The following COX15 variants were observed in gnomAD, a reference collection of about 807,000 sequenced individuals.
The protein encoded by COX15 is heme A synthase COX15.
A neutral mutation model predicts 51.9 loss-of-function variants in COX15; 51 were observed. That is an observed-to-expected ratio of 0.98 (90% confidence interval 0.78 to 1.24). COX15 has a LOEUF of 1.24. Ranked by LOEUF, COX15 falls within the 50% of genes most tolerant of loss-of-function variation. The pLI is 0.00. For synonymous variants in COX15, 188 were observed against 190.5 expected, an observed-to-expected ratio of 0.99 and a Z score of 0.11; for missense variants, 420 against 501.1, an observed-to-expected ratio of 0.84 and a Z score of 1.55.
intron 8 of COX15, among the ~76,000 whole-genome samples, chr10:99,715,310 G>A (rs905885147): frequency 1.3e-5 from 2 of 151,904 alleles, no homozygotes; most frequent in African/African-American, 2.4e-5. Context: ...GCTAATTTTT[G>A]TATTTTTTAG....
chr10:99,709,182 T>G (rs187671144), downstream of COX15: 36 of 985,428 alleles, frequency 3.7e-5, no homozygotes, highest in Non-Finnish European at 4.1e-5. Context: ...GCCTATTACA[T>G]CTACCTCATT....
chr10:99,720,868 A>C, intron 6 of COX15, 119 bp downstream of exon 6: 1 of 809,466 alleles, frequency 1.2e-6, no homozygotes, highest in Non-Finnish European at 2.1e-6. Flanking sequence ...TGGGGGAATG[A>C]GAGAAACAGA....
intron 5 of COX15, among the ~76,000 whole-genome samples, 170 bp downstream of exon 5, chr10:99,723,786 G>C (rs1200745734): frequency 2.0e-5 from 3 of 152,138 alleles, no homozygotes; most frequent in Non-Finnish European, 2.9e-5. Context: ...GATATTTCTT[G>C]TTGTTGGTAC....
the COX15 span, chr10:99,698,497 G>C: frequency 2.6e-6 from 4 of 1,563,476 alleles, no homozygotes; most frequent in African/African-American, 1.3e-5. Flanking sequence ...CAGGCATGAC[G>C]TGTTTGTTTG....
chr10:99,725,203 A>C (rs2036910346), intron 4 of COX15, among the ~76,000 whole-genome samples: 1 of 152,246 alleles, frequency 6.6e-6, no homozygotes, highest in Non-Finnish European at 1.5e-5. Context: ...CAGGTCAAAG[A>C]GGTGGACTCT....
At chr10:99,699,872 C>T in the COX15 span, among the ~76,000 whole-genome samples, 39 of 151,974 alleles carry the variant, frequency 2.6e-4, no homozygotes, top group African/African-American at 9.2e-4. Flanking sequence ...AGCCTCTCCT[C>T]ATATTTCCCT....
In COX15 at chr10:99,712,931, C is replaced by A; in HGVS notation, c.*1656G>T. The A allele has an allele frequency of 1.2e-6, 1 of 830,648 alleles. No homozygotes were observed. Among genetic ancestry groups the A allele is most frequent in the Non-Finnish European group, 1.5e-6 (1 of 683,376 alleles). 51.5% of individuals were successfully genotyped at this position (830,648 alleles called of 1,614,324 possible). On this transcript the variant is annotated 3_prime_UTR_variant, in exon 9 of 9. Coordinates refer to ENST00000016171, the MANE Select transcript of COX15 (RefSeq NM_078470.6). ...CTCAAGGACAGGAATCTTGCTCTCT[C>A]TCCAGATGTTCTCTGCTCCAGTTAA...
intron 7 of COX15, 173 bp from the exon 8 acceptor site, chr10:99,716,634 C>T (rs866375587): frequency 1.7e-6 from 1 of 584,050 alleles, no homozygotes; most frequent in South Asian, 1.8e-5. Context: ...GTCTCTTCCA[C>T]CATCCTCTTC....
At position 99,729,575 on chromosome 10, in the gene COX15, C is replaced by T. The variant is rs776410176; in HGVS notation, c.250G>A (p.Val84Ile). 1.2e-6 allele frequency: 2 copies of T among 1,613,762 alleles called. No individual in the cohort carries two copies. Among genetic ancestry groups the T allele is most frequent in the Non-Finnish European group, 1.7e-6 (2 of 1,179,998 alleles). Residue 84 changes from valine to isoleucine, a missense_variant, in exon 2 of 9, where the codon GTT becomes ATT. Coordinates refer to ENST00000016171, the MANE Select transcript of COX15 (RefSeq NM_078470.6). ...LVCSGTVAGA[V>I]ILGGVTRLTE... is the part of the protein sequence containing the mutation. ...TACCTAGTTACTCCACCAAGAATAA[C>T]TGCTCCAGCCACTGTTCCACTGCAG...
chr10:99,706,150 TTCATAC>T (rs1368283352), downstream of COX15: 1 of 151,996 alleles, frequency 6.6e-6, no homozygotes, highest in Non-Finnish European at 1.5e-5. Context: ...AAAAATAAAT[TTCATAC>T]TGGGAACAGA....
chr10:99,712,268 T>C lies in COX15; in HGVS notation c.*2319A>G. The C allele has an allele frequency of 1.0e-6, 1 of 985,034 alleles. No individual in the cohort carries two copies. Among genetic ancestry groups the C allele is most frequent in the Non-Finnish European group, 1.2e-6 (1 of 829,866 alleles). 61.0% of individuals were successfully genotyped at this position (985,034 alleles called of 1,614,324 possible). A position where few individuals can be genotyped will look rare whatever the true frequency, so the allele number is the denominator to read the frequency against. On this transcript the variant is annotated 3_prime_UTR_variant, in exon 9 of 9. Transcript: ENST00000016171. The stretch of plus-strand genomic sequence containing the variant: ...CACAGAAACTTACAGAGTACTGGAG[T>C]TGAAAGAGAACTGAGATCACCTAGT...
At chr10:99,727,585 T>G in intron 2 of COX15, 22 bp from the exon 3 acceptor site, 1 of 1,612,310 alleles carries the variant, frequency 6.2e-7, no homozygotes, top group Non-Finnish European at 8.5e-7. Context: ...AAAGAAATTT[T>G]GGGGTGTATG....
At chr10:99,728,089 C>CT (rs2037021537) in intron 2 of COX15, among the ~76,000 whole-genome samples, 1 of 152,150 alleles carries the variant, frequency 6.6e-6, no homozygotes, top group Non-Finnish European at 1.5e-5. Flanking sequence ...AAACTAGAAA[C>CT]TTTTTTACCA....
chr10:99,702,675 TA>T, the COX15 span: 1 of 1,609,050 alleles, frequency 6.2e-7, no homozygotes, highest in South Asian at 1.1e-5. Flanking sequence ...ACCACTCAGG[TA>T]AAGTAAGACT....
intron 3 of COX15, 127 bp from the exon 4 acceptor site, chr10:99,727,281 A>G (rs951552639): frequency 1.4e-6 from 2 of 1,428,152 alleles, no homozygotes; most frequent in Non-Finnish European, 9.7e-7. Flanking sequence ...TTCCTCATCA[A>G]CGACCTCAGG....
chr10:99,699,873 A>G, the COX15 span, among the ~76,000 whole-genome samples: 1 of 151,492 alleles, frequency 6.6e-6, no homozygotes, highest in Non-Finnish European at 1.5e-5. Flanking sequence ...GCCTCTCCTC[A>G]TATTTCCCTC....
At chr10:99,696,161 G>A in the COX15 span, 3 of 1,603,472 alleles carry the variant, frequency 1.9e-6, no homozygotes, top group South Asian at 3.3e-5. Context: ...GAAATATAAT[G>A]TCAGGCTGCA....
At chr10:99,710,529 A>G (rs1252822670), downstream of COX15, 8 of 985,286 alleles carry the variant, frequency 8.1e-6, no homozygotes, top group Non-Finnish European at 9.6e-6. Context: ...ACTGCTTCAC[A>G]TTAAACAATA....
At chr10:99,731,301 C>T (rs1040889648) in intron 1 of COX15, among the ~76,000 whole-genome samples, 1 of 152,172 alleles carries the variant, frequency 6.6e-6, no homozygotes, top group African/African-American at 2.4e-5. Flanking sequence ...AGCTTTGTTT[C>T]TAACACTGTT....
Sources: allele counts gnomAD v4.1 joint callset (sites outside exome capture counted in the v4.1 genomes callset), GRCh38; gene constraint gnomAD v4.1.1; transcripts MANE v1.5; gene names NCBI Gene and HGNC (gene_info 2026-07-23, HGNC 2026-07-21).